Variants in UBE2G1 observed in about 807,000 individuals in gnomAD.
The protein encoded by UBE2G1 is ubiquitin conjugating enzyme E2 G1.
UBE2G1 carries 5 observed loss-of-function variants against 22.7 expected under a neutral mutation model. The observed-to-expected ratio is 0.22, with a 90% CI of 0.12 to 0.46. The LOEUF is 0.46. Ranked by LOEUF, UBE2G1 falls within the 20% of genes least tolerant of loss-of-function variation. The probability of loss-of-function intolerance (pLI) is 0.99; values close to 1 mark genes in which losing one functional copy is unlikely to be tolerated. For synonymous variants in UBE2G1, 74 were observed against 67.5 expected (o/e 1.10, Z -0.47); for missense variants, 88 against 203.9 (o/e 0.43, Z 3.46).
At chr17:4,289,845 T>C (rs920457246) in intron 3 of UBE2G1, among the ~76,000 whole-genome samples, 3 of 152,186 alleles carry the variant, frequency 2.0e-5, no homozygotes, top group African/African-American at 7.2e-5. Flanking sequence ...AAATTGGTAA[T>C]AGTCAAAGGC....
At chr17:4,301,244 CAT>C (rs1230960354) in intron 2 of UBE2G1, 4 of 365,292 alleles carry the variant, frequency 1.1e-5, no homozygotes, top group East Asian at 1.3e-4. Context: ...GTCAGAATCA[CAT>C]AGTCATGTGA....
In UBE2G1 at chr17:4,289,147, G is replaced by A; in HGVS notation, c.426+83C>T. The A allele has an allele frequency of 3.3e-6, 4 of 1,226,876 alleles. No homozygotes were observed. The South Asian group carries it at 6.7e-5, about 20-fold the overall frequency. The allele number at this position is 1,226,876 out of a possible 1,614,324, so 76.0% of individuals were successfully genotyped here. ...CACACACACGCATGCATACATTCATGCATACTTACATACATACTAACTATA... is the reference window on the plus strand; with the variant it reads ...CACACACACGCATGCATACATTCATACATACTTACATACATACTAACTATA... On this transcript the variant is annotated intron_variant, in intron 4 of 5. Transcript: ENST00000396981.
At chr17:4,345,324 G>A (rs1189598837) in intron 1 of UBE2G1, among the ~76,000 whole-genome samples, 1 of 152,092 alleles carries the variant, frequency 6.6e-6, no homozygotes, top group South Asian at 2.1e-4. Context: ...CACAAGCCTC[G>A]AGCAGATTCT....
chr17:4,274,188 G>T (rs1968793797), intron 5 of UBE2G1, among the ~76,000 whole-genome samples: 1 of 131,976 alleles, frequency 7.6e-6, no homozygotes, highest in African/African-American at 2.8e-5. Flanking sequence ...CATCCTGTTA[G>T]CCAGGATGGT....
chr17:4,286,591 G>A (rs1968966244), intron 4 of UBE2G1, among the ~76,000 whole-genome samples: 1 of 152,140 alleles, frequency 6.6e-6, no homozygotes, highest in Non-Finnish European at 1.5e-5. Flanking sequence ...CTCACATTAA[G>A]GCCTATTTCA....
At chr17:4,341,501 T>C (rs1969711677) in intron 1 of UBE2G1, among the ~76,000 whole-genome samples, 1 of 152,074 alleles carries the variant, frequency 6.6e-6, no homozygotes, top group Non-Finnish European at 1.5e-5. Flanking sequence ...TCCTACCCTC[T>C]CCTGTGTCAT....
chr17:4,333,979 A>G (rs1046215337), intron 1 of UBE2G1, among the ~76,000 whole-genome samples: 5 of 114,110 alleles, frequency 4.4e-5, no homozygotes, highest in African/African-American at 3.0e-4. Context: ...TCCTCAGAAG[A>G]AAACAAAGAC....
At chr17:4,281,990 T>C (rs889205893) in intron 5 of UBE2G1, among the ~76,000 whole-genome samples, 3 of 152,176 alleles carry the variant, frequency 2.0e-5, no homozygotes, top group Non-Finnish European at 4.4e-5. Flanking sequence ...AACATAAAAC[T>C]GTGGACAGAT....
chr17:4,301,482 G>A, intron 2 of UBE2G1: 1 of 820,266 alleles, frequency 1.2e-6, no homozygotes, highest in Admixed American at 1.7e-5. Flanking sequence ...TAATCCTGCT[G>A]CCCTTCAGAC....
At chr17:4,300,087 CTTT>C (rs35118148) in intron 2 of UBE2G1, among the ~76,000 whole-genome samples, 20 of 146,552 alleles carry the variant, frequency 1.4e-4, no homozygotes, top group Admixed American at 1.2e-3. Flanking sequence ...GGCCTACCTG[CTTT>C]TTTTTTTTGA....
chr17:4,365,848 G>A (rs910651912), intron 1 of UBE2G1, among the ~76,000 whole-genome samples: 12 of 152,026 alleles, frequency 7.9e-5, no homozygotes, highest in African/African-American at 2.7e-4. Flanking sequence ...ACACCGAGCC[G>A]GGGACTCGCA....
chr17:4,360,902 A>G (rs749106563), intron 1 of UBE2G1, among the ~76,000 whole-genome samples: 7 of 151,980 alleles, frequency 4.6e-5, no homozygotes, highest in Non-Finnish European at 1.0e-4. Context: ...ACAAGAGTGA[A>G]GCTCCGTCTC....
At chr17:4,310,805 T>C (rs927724982) in intron 1 of UBE2G1, among the ~76,000 whole-genome samples, 1 of 152,186 alleles carries the variant, frequency 6.6e-6, no homozygotes, top group Admixed American at 6.5e-5. Context: ...TCTTGAAAAG[T>C]GTACCTCGAG....
intron 5 of UBE2G1, among the ~76,000 whole-genome samples, chr17:4,277,895 T>C (rs1349069411): frequency 7.2e-5 from 11 of 152,054 alleles, no homozygotes. Flanking sequence ...AAGCCGGCCT[T>C]GGGGAAACAG....
chr17:4,287,396 C>A (rs555853980), intron 4 of UBE2G1, among the ~76,000 whole-genome samples: 1 of 152,224 alleles, frequency 6.6e-6, no homozygotes, highest in East Asian at 1.9e-4. Flanking sequence ...GCCACCACGC[C>A]TGGCCAACTC....
At chr17:4,279,451 T>G (rs1401468075) in intron 5 of UBE2G1, among the ~76,000 whole-genome samples, 1 of 152,042 alleles carries the variant, frequency 6.6e-6, no homozygotes, top group Non-Finnish European at 1.5e-5. Context: ...AAGTTCAACC[T>G]CTACCTCATA....
chr17:4,294,894 C>T (rs1434428654), intron 3 of UBE2G1, among the ~76,000 whole-genome samples: 1 of 151,392 alleles, frequency 6.6e-6, no homozygotes, highest in Middle Eastern at 3.2e-3. Context: ...CAGAGTGAGA[C>T]CCTGTCTTAG....
intron 1 of UBE2G1, among the ~76,000 whole-genome samples, chr17:4,363,202 A>G (rs1382151865): frequency 6.6e-6 from 1 of 152,226 alleles, no homozygotes; most frequent in African/African-American, 2.4e-5. Context: ...TTTACATTTC[A>G]ATTAAAATTC....
chr17:4,336,410 C>G (rs1190782411), intron 1 of UBE2G1, among the ~76,000 whole-genome samples: 2 of 151,926 alleles, frequency 1.3e-5, no homozygotes. Flanking sequence ...CAGCTGAATT[C>G]AAACTGAAAG....
Sources: gnomAD v4.1 joint callset for allele counts (sites outside exome capture counted in the v4.1 genomes callset) on GRCh38, gnomAD v4.1.1 for gene constraint, MANE v1.5 for transcripts, NCBI Gene and HGNC (gene_info 2026-07-23, HGNC 2026-07-21) for gene names.